Variants in ARHGAP8 observed in about 807,000 individuals in gnomAD.
The protein encoded by ARHGAP8 is Rho GTPase activating protein 8.
Under a neutral mutation model 46.1 loss-of-function variants are expected in ARHGAP8, and 62 were observed. The ratio of observed to expected loss-of-function variants is 1.34; its 90% CI spans 1.10 to 1.66. The LOEUF (loss-of-function observed/expected upper bound fraction) is 1.66. Ranked by LOEUF, ARHGAP8 falls within the 40% of genes most tolerant of loss-of-function variation. The pLI is 0.00. For missense variants in ARHGAP8, 923 were observed against 568.4 expected (o/e 1.62, Z -6.34); for synonymous variants, 375 against 243.1 (o/e 1.54, Z -5.05).
chr22:44,764,896 C>T (rs1226624284), intron 1 of ARHGAP8, among the ~76,000 whole-genome samples: 1 of 152,222 alleles, frequency 6.6e-6, no homozygotes, highest in African/African-American at 2.4e-5. Context: ...GGGGCTCACC[C>T]TGGCACACTC....
In ARHGAP8 at chr22:44,845,351, G is replaced by A; in HGVS notation, c.670+9G>A. 1 of 1,614,030 alleles carries A rather than the reference G, an allele frequency of 6.2e-7. No individual in the cohort carries two copies. Among genetic ancestry groups the A allele is most frequent in the South Asian group, 1.1e-5 (1 of 91,064 alleles). On this transcript the variant is annotated intron_variant, in intron 8 of 11. Transcript: ENST00000356099. ...GTACCTGAGAGAGAAAGGTGAGACGGGGCCGGCTCCAGCTGGATGACGTGA... is the reference window on the plus strand; with the variant it reads ...GTACCTGAGAGAGAAAGGTGAGACGAGGCCGGCTCCAGCTGGATGACGTGA...
At chr22:44,847,195 C>T (rs1392990034) in intron 8 of ARHGAP8, among the ~76,000 whole-genome samples, 1 of 152,226 alleles carries the variant, frequency 6.6e-6, no homozygotes, top group East Asian at 1.9e-4. Flanking sequence ...GTTTCTCTTT[C>T]TGGCTCTGAA....
At chr22:44,770,428 C>T (rs1238476931) in intron 1 of ARHGAP8, among the ~76,000 whole-genome samples, 4 of 149,996 alleles carry the variant, frequency 2.7e-5, no homozygotes, top group African/African-American at 2.5e-5. Flanking sequence ...CTTTTTGAGA[C>T]AGTGTCTCTC....
chr22:44,805,071 C>T (rs2147086163), intron 3 of ARHGAP8, among the ~76,000 whole-genome samples: 1 of 152,308 alleles, frequency 6.6e-6, no homozygotes. Context: ...TTACCAGGCA[C>T]ACAGGGAGAG....
chr22:44,840,836 G>C (rs1270619556), intron 7 of ARHGAP8, among the ~76,000 whole-genome samples: 1 of 152,252 alleles, frequency 6.6e-6, no homozygotes, highest in African/African-American at 2.4e-5. Flanking sequence ...GAAAGGGGAA[G>C]CTCCCTGGGG....
chr22:44,794,076 C>T (rs533257790), intron 2 of ARHGAP8, among the ~76,000 whole-genome samples: 12 of 152,292 alleles, frequency 7.9e-5, no homozygotes, highest in Admixed American at 2.0e-4. Context: ...GCCAGCTGCT[C>T]GCGTCAACCC....
intron 2 of ARHGAP8, among the ~76,000 whole-genome samples, chr22:44,800,249 A>G (rs188372878): frequency 1.1e-4 from 17 of 151,924 alleles, no homozygotes; most frequent in Admixed American, 6.6e-4. Context: ...GACTGTAGAC[A>G]TGTGCCACCA....
At chr22:44,859,246 G>T (rs1022728983) in intron 10 of ARHGAP8, among the ~76,000 whole-genome samples, 1 of 152,166 alleles carries the variant, frequency 6.6e-6, no homozygotes, top group Non-Finnish European at 1.5e-5. Context: ...TTGGAGGTGG[G>T]GACTGGTGGC....
At position 44,762,761 on chromosome 22, in the gene ARHGAP8, C is replaced by G. The variant is rs77798739; in HGVS notation, c.-72+10134C>G. Among the ~76,000 whole-genome samples, 1,197 of 152,098 alleles carry G rather than the reference C, an allele frequency of 7.9e-3. 10 individuals are homozygous for G. Among genetic ancestry groups the G allele is most frequent in the African/African-American group, 0.027 (1,131 of 41,480 alleles). On this transcript the variant is annotated intron_variant, in intron 1 of 11. Transcript: ENST00000356099. ...GTCTCACCATGTTGGCCAGGTTGGTCTCGAACTCCTGACCTTAGGTAATCC... is the reference window on the plus strand; with the variant it reads ...GTCTCACCATGTTGGCCAGGTTGGTGTCGAACTCCTGACCTTAGGTAATCC...
intron 5 of ARHGAP8, 30 bp from the exon 6 acceptor site, chr22:44,822,341 T>C (rs772975402): frequency 4.5e-6 from 7 of 1,572,584 alleles, no homozygotes; most frequent in Non-Finnish European, 6.0e-6. Flanking sequence ...CGCCTAATCG[T>C]TCTTTATTCT....
At chr22:44,861,990 C>A (rs8138834) in intron 11 of ARHGAP8, among the ~76,000 whole-genome samples, 1 of 152,102 alleles carries the variant, frequency 6.6e-6, no homozygotes, top group Admixed American at 6.5e-5. Flanking sequence ...TGCATCTCCC[C>A]AGAAGGTGCA....
Position 44,825,414 on chromosome 22 carries a change from C to A in ARHGAP8, c.486-69C>A, listed in dbSNP as rs137928246. ...TGTCCTGCAGGTGGGGCATCCAGCC[C>A]CACCCAGCGCCTCCGTGGCTGCCAG... is the stretch of plus-strand genomic sequence containing the variant. On this transcript the variant is annotated intron_variant, in intron 6 of 11. Coordinates refer to ENST00000356099, the MANE Select transcript of ARHGAP8 (RefSeq NM_181335.3). The A allele has an allele frequency of 4.4e-4, 682 of 1,541,206 alleles. 3 individuals carry two copies. Among genetic ancestry groups the A allele is most frequent in the Middle Eastern group, 2.0e-3 (9 of 4,444 alleles).
At chr22:44,844,688 C>G (rs541782464) in intron 7 of ARHGAP8, among the ~76,000 whole-genome samples, 58 of 152,260 alleles carry the variant, frequency 3.8e-4, no homozygotes, top group African/African-American at 1.4e-3. Context: ...CTCTTGAACT[C>G]CTGGGCTCAA....
At chr22:44,860,024 C>G (rs564609196) in intron 11 of ARHGAP8, among the ~76,000 whole-genome samples, 190 bp downstream of exon 11, 124 of 149,766 alleles carry the variant, frequency 8.3e-4, no homozygotes, top group Non-Finnish European at 1.1e-3. Flanking sequence ...TGCGGACCTC[C>G]TGCCTGTCAG....
At chr22:44,849,620 C>T (rs1409095451) in intron 10 of ARHGAP8, 1 of 152,812 alleles carries the variant, frequency 6.5e-6, no homozygotes, top group Non-Finnish European at 1.5e-5. Flanking sequence ...AAAGTGATGC[C>T]TCGAAAGAAC....
chr22:44,801,684 C>T, intron 2 of ARHGAP8: 1 of 231,914 alleles, frequency 4.3e-6, no homozygotes, highest in Non-Finnish European at 8.5e-6. Context: ...CCCTGGCCTC[C>T]ACCATGGCCC....
At chr22:44,857,054 C>A (rs2070246310) in intron 10 of ARHGAP8, among the ~76,000 whole-genome samples, 1 of 142,224 alleles carries the variant, frequency 7.0e-6, no homozygotes, top group South Asian at 2.2e-4. Context: ...GACTCTGTTG[C>A]CTCAGCCTCC....
intron 1 of ARHGAP8, among the ~76,000 whole-genome samples, chr22:44,761,079 G>A (rs1260184150): frequency 1.3e-5 from 2 of 152,230 alleles, no homozygotes; most frequent in Admixed American, 6.5e-5. Flanking sequence ...GGACCTGCAT[G>A]TACCAGGCCC....
intron 1 of ARHGAP8, among the ~76,000 whole-genome samples, chr22:44,767,337 C>CCT (rs964637710): frequency 6.6e-5 from 10 of 151,914 alleles, no homozygotes; most frequent in South Asian, 6.3e-4. Flanking sequence ...TCTTTCTCCC[C>CCT]CTCTCTCTCT....
Sources: allele counts gnomAD v4.1 joint callset (sites outside exome capture counted in the v4.1 genomes callset), GRCh38; gene constraint gnomAD v4.1.1; transcripts MANE v1.5; gene names NCBI Gene and HGNC (gene_info 2026-07-23, HGNC 2026-07-21).